TXNL1: variants seen among roughly 807,000 people sequenced by gnomAD.
TXNL1 encodes thioredoxin-like protein 1.
Under a neutral mutation model 35.5 loss-of-function variants are expected in TXNL1, and 14 were observed. That is an observed-to-expected ratio of 0.39 (90% CI 0.26 to 0.62). TXNL1 has a LOEUF of 0.62. Among genes scored for constraint, TXNL1 ranks in the 20% least tolerant of loss-of-function variants. The pLI, the probability that TXNL1 is intolerant of heterozygous loss-of-function variation, is 0.47. For synonymous variants in TXNL1, 110 were observed against 115.5 expected, an observed-to-expected ratio of 0.95 and a Z score of 0.31; for missense variants, 263 against 349.7, an observed-to-expected ratio of 0.75 and a Z score of 1.98.
chr18:56,604,035 G>C (rs2023850920), intron 7 of TXNL1, among the ~76,000 whole-genome samples: 1 of 152,132 alleles, frequency 6.6e-6, no homozygotes, highest in African/African-American at 2.4e-5. Flanking sequence ...ATTCATGAGA[G>C]ACCTGAAAGC....
At chr18:56,628,381 G>C (rs2024320213) in intron 1 of TXNL1, among the ~76,000 whole-genome samples, 1 of 152,068 alleles carries the variant, frequency 6.6e-6, no homozygotes, top group Non-Finnish European at 1.5e-5. Context: ...TAGAACATTT[G>C]AAAAAGTATT....
At chr18:56,609,671 T>C (rs1317591013) in intron 7 of TXNL1, 2 of 152,230 alleles carry the variant, frequency 1.3e-5, no homozygotes, top group African/African-American at 4.8e-5. Flanking sequence ...CCAAGTCCAA[T>C]GGCATCTAAT....
intron 4 of TXNL1, among the ~76,000 whole-genome samples, chr18:56,616,990 A>G (rs1384672234): frequency 1.3e-5 from 2 of 152,212 alleles, no homozygotes; most frequent in Non-Finnish European, 2.9e-5. Flanking sequence ...CTACCCTGGG[A>G]AGATTTCCTG....
intron 1 of TXNL1, among the ~76,000 whole-genome samples, chr18:56,627,309 T>C (rs1234365285): frequency 6.6e-6 from 1 of 152,176 alleles, no homozygotes; most frequent in African/African-American, 2.4e-5. Context: ...TGAAACTCAA[T>C]ATTGCCAAGA....
In TXNL1 at chr18:56,599,826, T is replaced by G. The variant is rs1408446715; in HGVS notation, c.*3201A>C. The G allele has an allele frequency of 6.6e-6, 1 of 152,152 alleles. No homozygotes were observed. The highest frequency in any genetic ancestry group is 1.5e-5 in the Non-Finnish European group (1 of 68,048). 9.4% of individuals were successfully genotyped at this position (152,152 alleles called of 1,614,324 possible). ...CAGCCGCCTCGGCCTCCCAAAATGCTGGGATTACAGGCATGAGCCACTGTT... is the reference window on the plus strand; with the variant it reads ...CAGCCGCCTCGGCCTCCCAAAATGCGGGGATTACAGGCATGAGCCACTGTT... On this transcript the variant is annotated 3_prime_UTR_variant, in exon 8 of 8. Transcript: ENST00000217515.
chr18:56,617,324 G>A (rs908639219), intron 4 of TXNL1, among the ~76,000 whole-genome samples: 5 of 152,212 alleles, frequency 3.3e-5, no homozygotes, highest in African/African-American at 7.2e-5. Context: ...CAGAAGAGAT[G>A]AGAAAGTTAA....
intron 7 of TXNL1, chr18:56,608,898 A>G (rs973999846): frequency 2.0e-5 from 3 of 151,346 alleles, no homozygotes; most frequent in Non-Finnish European, 4.4e-5. Context: ...AGTAAGCCAT[A>G]ACTGTGCCTC....
chr18:56,606,583 C>T (rs1445543391), intron 7 of TXNL1, among the ~76,000 whole-genome samples: 1 of 152,186 alleles, frequency 6.6e-6, no homozygotes, highest in Non-Finnish European at 1.5e-5. Context: ...ATTCTACTCT[C>T]AAAACTTAGT....
rs572541439 is a variant in TXNL1, at chr18:56,628,668, G to A, written c.99-2211C>T. Among the ~76,000 whole-genome samples the A allele has an allele frequency of 4.8e-4, 73 of 152,308 alleles. No homozygotes were observed. The South Asian group carries it at 0.015, about 32-fold the overall frequency. On this transcript the variant is annotated intron_variant, in intron 1 of 7. Coordinates refer to ENST00000217515, the MANE Select transcript of TXNL1 (RefSeq NM_004786.3). ...ACAATGGTTACCTTAGTGAGTTACTGATAGAATAAGACTTCTGGAGGCTAG... is the reference window on the plus strand; with the variant it reads ...ACAATGGTTACCTTAGTGAGTTACTAATAGAATAAGACTTCTGGAGGCTAG...
At chr18:56,616,408 A>G in intron 4 of TXNL1, 94 bp from the exon 5 acceptor site, 12 of 1,174,532 alleles carry the variant, frequency 1.0e-5, no homozygotes, top group Non-Finnish European at 1.4e-5. Context: ...GCAAGAAAAA[A>G]AAAACCAACC....
chr18:56,610,862 T>A, intron 7 of TXNL1, 131 bp downstream of exon 7: 1 of 583,894 alleles, frequency 1.7e-6, no homozygotes, highest in Non-Finnish European at 2.9e-6. Flanking sequence ...TAGTTTAGCC[T>A]TGTAAAATTT....
rs772109104 is a variant in TXNL1 at position 56,632,453 on chromosome 18, C to T, written c.98+5890G>A. On this transcript the variant is annotated intron_variant, in intron 1 of 7. Transcript: ENST00000217515. ...GTTACGCATTCACAAACTCATGTCA[C>T]CTCATTTAAGCTTTATGACTCTAAA... Among the ~76,000 whole-genome samples the T allele has an allele frequency of 3.3e-5, 5 of 151,898 alleles. No homozygotes were observed. The South Asian group carries it at 1.1e-3, about 32-fold the overall frequency.
chr18:56,608,472 G>T (rs1329969301), intron 7 of TXNL1: 1 of 151,966 alleles, frequency 6.6e-6, no homozygotes, highest in Non-Finnish European at 1.5e-5. Flanking sequence ...AAAAGCAAGG[G>T]GCTAAGAAGC....
intron 1 of TXNL1, among the ~76,000 whole-genome samples, chr18:56,633,597 G>A (rs538581289): frequency 2.9e-4 from 40 of 136,878 alleles, no homozygotes; most frequent in South Asian, 2.2e-3. Context: ...TGCAGCCTGA[G>A]CAACAGAGCG....
At chr18:56,616,101 CAGCCTGGGCAAT>C in intron 5 of TXNL1, 132 bp downstream of exon 5, 1 of 639,928 alleles carries the variant, frequency 1.6e-6, no homozygotes. Context: ...CACCGCACTC[CAGCCTGGGCAAT>C]AGCACAAGAC....
In TXNL1 at chr18:56,602,980, G is replaced by A. The variant is rs1414179980; in HGVS notation, c.*47C>T. The A allele has an allele frequency of 1.3e-6, 2 of 1,595,224 alleles. No individual in the cohort carries two copies. Among genetic ancestry groups the A allele is most frequent in the South Asian group, 2.2e-5 (2 of 90,522 alleles). ...TGGCGAGAATCAAGCAATTATCCAG[G>A]AGCTGTAGATCTGATTGCAATATGG... On this transcript the variant is annotated 3_prime_UTR_variant, in exon 8 of 8. Coordinates refer to ENST00000217515, the MANE Select transcript of TXNL1 (RefSeq NM_004786.3).
chr18:56,617,698 A>C (rs2024112432), intron 4 of TXNL1, among the ~76,000 whole-genome samples: 1 of 152,202 alleles, frequency 6.6e-6, no homozygotes, highest in South Asian at 2.1e-4. Context: ...GAGTGGGAAG[A>C]AGGTATGGAA....
At chr18:56,608,232 T>C (rs1007127131) in intron 7 of TXNL1, 1 of 152,252 alleles carries the variant, frequency 6.6e-6, no homozygotes, top group Non-Finnish European at 1.5e-5. Flanking sequence ...GTACAAGGAC[T>C]AAGCTGGCCA....
At chr18:56,622,196 G>A (rs1241584882) in intron 3 of TXNL1, among the ~76,000 whole-genome samples, 2 of 151,896 alleles carry the variant, frequency 1.3e-5, no homozygotes, top group African/African-American at 4.8e-5. Flanking sequence ...GTGCCTAGTG[G>A]CTACCATATT....
Sources: allele counts gnomAD v4.1 joint callset (sites outside exome capture counted in the v4.1 genomes callset), GRCh38; gene constraint gnomAD v4.1.1; transcripts MANE v1.5; gene names NCBI Gene and HGNC (gene_info 2026-07-23, HGNC 2026-07-21).